Variants in PDE11A observed in about 807,000 individuals in gnomAD.
PDE11A encodes the protein dual 3',5'-cyclic-AMP and -GMP phosphodiesterase 11A.
Under a neutral mutation model 100.5 loss-of-function variants are expected in PDE11A, and 100 were observed. The ratio of observed to expected loss-of-function variants is 1.00; its 90% CI spans 0.85 to 1.18. The LOEUF is 1.18. Ranked by LOEUF, PDE11A falls within the 50% of genes most tolerant of loss-of-function variation. PDE11A has a pLI of 0.00. For synonymous variants in PDE11A, 381 were observed against 420.8 expected (o/e 0.91, Z 1.16); for missense variants, 1,141 against 1,152.6 (o/e 0.99, Z 0.15).
intron 18 of PDE11A, among the ~76,000 whole-genome samples, chr2:177,668,117 C>T (rs1251224908): frequency 3.3e-5 from 5 of 152,100 alleles, no homozygotes; most frequent in Admixed American, 2.6e-4. Flanking sequence ...ATGTTTCTAC[C>T]GCAAAATTAA....
At chr2:177,869,371 T>A (rs1192840445) in intron 5 of PDE11A, among the ~76,000 whole-genome samples, 3 of 152,182 alleles carry the variant, frequency 2.0e-5, no homozygotes, top group African/African-American at 7.2e-5. Context: ...AGAATTCAAC[T>A]CCTTGCAGTT....
chr2:177,948,355 T>C (rs997871993), intron 2 of PDE11A, among the ~76,000 whole-genome samples: 2 of 152,176 alleles, frequency 1.3e-5, no homozygotes, highest in African/African-American at 4.8e-5. Flanking sequence ...TTAAGAATCT[T>C]AATATACCTG....
At chr2:178,006,835 G>GA (rs370901905) in intron 2 of PDE11A, among the ~76,000 whole-genome samples, 9,528 of 150,804 alleles carry the variant, frequency 0.063, 353 homozygotes, top group African/African-American at 0.078. Context: ...GGGGGGGGGG[G>GA]AAGCCAATGC....
intron 5 of PDE11A, among the ~76,000 whole-genome samples, chr2:177,867,756 G>A (rs558752593): frequency 6.6e-6 from 1 of 152,164 alleles, no homozygotes; most frequent in Non-Finnish European, 1.5e-5. Context: ...CAATATGATT[G>A]CAGGGTACAA....
chr2:177,786,252 C>T lies in PDE11A; in HGVS notation c.1738-16879G>A, dbSNP rs201384676. ...TCATGAAAATCCGCTGTTCTGCAGC[C>T]ACCACTGCTGATACCAGGCAAACAG... On this transcript the variant is annotated intron_variant, in intron 9 of 19. Transcript: ENST00000286063. 6.6e-5 allele frequency among the ~76,000 whole-genome samples: 10 copies of T among 152,316 alleles called. No individual in the cohort carries two copies. The East Asian group carries it at 1.5e-3, about 24-fold the overall frequency.
intron 1 of PDE11A, among the ~76,000 whole-genome samples, chr2:178,016,978 T>G (rs1375620624): frequency 1.3e-5 from 2 of 152,250 alleles, no homozygotes; most frequent in Non-Finnish European, 2.9e-5. Context: ...TATTTAGCAC[T>G]TAGATTCTCT....
chr2:177,765,136 C>T (rs2082220552), intron 10 of PDE11A, among the ~76,000 whole-genome samples: 1 of 152,118 alleles, frequency 6.6e-6, no homozygotes, highest in Admixed American at 6.5e-5. Flanking sequence ...GAAATTTTTC[C>T]CAACAGAAGT....
intron 2 of PDE11A, among the ~76,000 whole-genome samples, chr2:177,945,628 GC>G (rs2085405623): frequency 6.9e-6 from 1 of 145,074 alleles, no homozygotes; most frequent in Admixed American, 6.8e-5. Flanking sequence ...CCCGGCAGCC[GC>G]CCCGTCTGGG....
At chr2:177,987,226 A>G (rs967821434) in intron 2 of PDE11A, among the ~76,000 whole-genome samples, 1 of 152,164 alleles carries the variant, frequency 6.6e-6, no homozygotes, top group African/African-American at 2.4e-5. Flanking sequence ...GGACTCTCTA[A>G]CCCTTAAGGG....
At chr2:178,025,457 C>T (rs546260255) in intron 1 of PDE11A, among the ~76,000 whole-genome samples, 3 of 152,244 alleles carry the variant, frequency 2.0e-5, no homozygotes, top group African/African-American at 7.2e-5. Context: ...GTTTGCTGAT[C>T]TTATTTCCCT....
chr2:177,852,631 A>G (rs1009120613), intron 5 of PDE11A, among the ~76,000 whole-genome samples: 4 of 152,170 alleles, frequency 2.6e-5, no homozygotes, highest in Non-Finnish European at 4.4e-5. Context: ...CCTCAGCAGG[A>G]AAGTCTCGAA....
intron 5 of PDE11A, among the ~76,000 whole-genome samples, chr2:177,859,140 A>G (rs1015603197): frequency 6.6e-6 from 1 of 151,988 alleles, no homozygotes; most frequent in Admixed American, 6.6e-5. Flanking sequence ...AGATATACCT[A>G]ATGCTAAATG....
intron 10 of PDE11A, among the ~76,000 whole-genome samples, chr2:177,745,128 C>T (rs1250080425): frequency 6.6e-6 from 1 of 152,140 alleles, no homozygotes; most frequent in Non-Finnish European, 1.5e-5. Context: ...GATATTCATT[C>T]CTTTTCACAA....
At chr2:177,666,721 C>T (rs1011049162) in intron 18 of PDE11A, among the ~76,000 whole-genome samples, 5 of 101,940 alleles carry the variant, frequency 4.9e-5, no homozygotes, top group Admixed American at 1.2e-4. Context: ...CTGTTCAGAT[C>T]CTTTGCCTAT....
intron 9 of PDE11A, among the ~76,000 whole-genome samples, chr2:177,813,251 CCTT>C (rs1338515086): frequency 2.6e-5 from 4 of 152,186 alleles, no homozygotes; most frequent in Admixed American, 6.5e-5. Context: ...CTTGGAGTGT[CCTT>C]CTCTCAATAA....
intron 17 of PDE11A, among the ~76,000 whole-genome samples, chr2:177,672,636 G>T (rs943836274): frequency 3.3e-5 from 5 of 152,164 alleles, no homozygotes; most frequent in African/African-American, 1.2e-4. Flanking sequence ...CTTCGGAGAT[G>T]AGATTAGAAA....
At chr2:177,962,361 C>T (rs540488867) in intron 2 of PDE11A, among the ~76,000 whole-genome samples, 12 of 152,134 alleles carry the variant, frequency 7.9e-5, no homozygotes, top group African/African-American at 2.9e-4. Flanking sequence ...TCCCTAGTCA[C>T]AGTTTGTAGT....
intron 2 of PDE11A, among the ~76,000 whole-genome samples, chr2:177,925,724 G>T (rs979296423): frequency 3.3e-5 from 5 of 152,182 alleles, no homozygotes; most frequent in African/African-American, 1.2e-4. Flanking sequence ...GTGGGTTGGG[G>T]TAGATAAAGG....
intron 19 of PDE11A, among the ~76,000 whole-genome samples, chr2:177,654,162 G>A (rs1559127801): frequency 6.6e-6 from 1 of 152,216 alleles, no homozygotes; most frequent in Non-Finnish European, 1.5e-5. Context: ...TAGGAAAAAA[G>A]TGTGGGACAA....
Sources: gnomAD v4.1 joint callset for allele counts (sites outside exome capture counted in the v4.1 genomes callset) on GRCh38, gnomAD v4.1.1 for gene constraint, MANE v1.5 for transcripts, NCBI Gene and HGNC (gene_info 2026-07-23, HGNC 2026-07-21) for gene names.